TNRC6B: variants seen among roughly 807,000 people sequenced by gnomAD.
The protein encoded by TNRC6B is trinucleotide repeat containing adaptor 6B.
In TNRC6B, 52 loss-of-function variants were observed where a neutral mutation model predicts 203.6. The observed-to-expected ratio is 0.26, with a 90% CI of 0.20 to 0.32. TNRC6B has a LOEUF of 0.32. TNRC6B is among the 10% of genes least tolerant of loss of function. The pLI is 1.00. For synonymous variants in TNRC6B, 838 were observed against 845.7 expected, an observed-to-expected ratio of 0.99 and a Z score of 0.16; for missense variants, 1,923 against 2,286.2, an observed-to-expected ratio of 0.84 and a Z score of 3.24.
intron 1 of TNRC6B, among the ~76,000 whole-genome samples, chr22:40,188,200 CTG>C (rs768303939): frequency 9.9e-5 from 15 of 152,072 alleles, no homozygotes; most frequent in Non-Finnish European, 1.6e-4. Flanking sequence ...CAGAGCAACA[CTG>C]TGTCTCAAAA....
chr22:40,183,668 G>GT (rs2069164423), intron 1 of TNRC6B, among the ~76,000 whole-genome samples: 1 of 151,142 alleles, frequency 6.6e-6, no homozygotes, highest in Admixed American at 6.6e-5. Flanking sequence ...TGTAAATTCT[G>GT]TTTATTTGAC....
At chr22:40,203,217 G>C (rs2069436761) in intron 1 of TNRC6B, among the ~76,000 whole-genome samples, 1 of 152,118 alleles carries the variant, frequency 6.6e-6, no homozygotes, top group Non-Finnish European at 1.5e-5. Flanking sequence ...TCCCAGCCAG[G>C]TGTCAGGACA....
At chr22:40,240,962 A>G (rs1280583160) in intron 1 of TNRC6B, among the ~76,000 whole-genome samples, 2 of 152,166 alleles carry the variant, frequency 1.3e-5, no homozygotes, top group Non-Finnish European at 2.9e-5. Flanking sequence ...AAATCAGGTA[A>G]TAATGTTTTC....
intron 1 of TNRC6B, among the ~76,000 whole-genome samples, chr22:40,074,403 C>T (rs181463547): frequency 1.6e-4 from 25 of 151,740 alleles, no homozygotes; most frequent in African/African-American, 4.1e-4. Flanking sequence ...TCAGCACTTT[C>T]GGGAGGCTGA....
At chr22:40,217,175 TTACTGCATCATTAGCATCA>T (rs1274452370) in intron 1 of TNRC6B, among the ~76,000 whole-genome samples, 4 of 152,200 alleles carry the variant, frequency 2.6e-5, no homozygotes, top group African/African-American at 4.8e-5. Context: ...CTTGTCTTCA[TTACTGCATCATTAGCATCA>T]ACCTTTTTTG....
intron 1 of TNRC6B, among the ~76,000 whole-genome samples, chr22:40,079,463 C>A (rs140452539): frequency 1.3e-5 from 2 of 152,082 alleles, no homozygotes; most frequent in Non-Finnish European, 1.5e-5. Context: ...TCCTGGAAGT[C>A]TCCAGTTTTA....
At chr22:40,170,321 A>AG in intron 4 of TNRC6B, among the ~76,000 whole-genome samples, 2 of 88,688 alleles carry the variant, frequency 2.3e-5, no homozygotes, top group African/African-American at 9.1e-5. Flanking sequence ...TTTTATATAT[A>AG]TTATATATAT....
intron 11 of TNRC6B, among the ~76,000 whole-genome samples, chr22:40,284,254 C>G (rs958859597): frequency 2.0e-5 from 3 of 152,200 alleles, no homozygotes. Context: ...TGTTTAGAAT[C>G]ATTTTTATTT....
intron 3 of TNRC6B, among the ~76,000 whole-genome samples, chr22:40,126,093 CACTAAT>C (rs1427201890): frequency 2.6e-5 from 4 of 152,024 alleles, no homozygotes; most frequent in African/African-American, 9.7e-5. Context: ...ATTTTTAGAA[CACTAAT>C]ACTATGTCTT....
intron 15 of TNRC6B, among the ~76,000 whole-genome samples, chr22:40,302,485 T>G (rs1467952252): frequency 6.6e-6 from 1 of 151,876 alleles, no homozygotes; most frequent in Admixed American, 6.6e-5. Context: ...ATACAAAAAT[T>G]AGCCGGACGT....
intron 21 of TNRC6B, among the ~76,000 whole-genome samples, chr22:40,316,964 G>A (rs1296293643): frequency 2.0e-5 from 3 of 152,164 alleles, no homozygotes; most frequent in Admixed American, 6.5e-5. Context: ...GGTGATTTCT[G>A]TGTAGTAGAC....
chr22:40,207,418 AATATATATATATAT>A (rs55644816), intron 1 of TNRC6B, among the ~76,000 whole-genome samples: 7 of 128,878 alleles, frequency 5.4e-5, no homozygotes, highest in African/African-American at 2.1e-4. Context: ...AAAAAAAAAA[AATATATATATATAT>A]ATATATATAT....
At chr22:40,074,320 A>G (rs1265024398) in intron 1 of TNRC6B, among the ~76,000 whole-genome samples, 1 of 151,932 alleles carries the variant, frequency 6.6e-6, no homozygotes, top group Non-Finnish European at 1.5e-5. Context: ...ATATGGAAAA[A>G]CTATCTTTAG....
At chr22:40,292,149 G>A (rs1408671299) in intron 12 of TNRC6B, among the ~76,000 whole-genome samples, 1 of 152,034 alleles carries the variant, frequency 6.6e-6, no homozygotes, top group Non-Finnish European at 1.5e-5. Flanking sequence ...AGCCGAGATC[G>A]TGCCACTGCG....
Position 40,266,804 on chromosome 22 carries a change from G to C in TNRC6B, c.2574G>C (p.Trp858Cys). 1 of 1,613,740 alleles carries C rather than the reference G, an allele frequency of 6.2e-7. No individual in the cohort carries two copies. Among genetic ancestry groups the C allele is most frequent in the Non-Finnish European group, 8.5e-7 (1 of 1,179,742 alleles). Residue 858 changes from tryptophan to cysteine, a missense_variant, in exon 5 of 23, where the codon TGG (tryptophan) becomes TGC (cysteine). Trp to Cys is a radical substitution (Grantham distance 215, BLOSUM62 -2). Coordinates refer to ENST00000454349, the MANE Select transcript of TNRC6B (RefSeq NM_001162501.2). ...ACGTTCGACCTTCCAATTCCAGCTG[G>C]AGCAGCGGGCCACAGCCTGCAACAC... ...PGNVRPSNSS[W>C]SSGPQPATPK...
At chr22:40,203,182 T>C (rs1320924595) in intron 1 of TNRC6B, among the ~76,000 whole-genome samples, 1 of 152,112 alleles carries the variant, frequency 6.6e-6, no homozygotes, top group East Asian at 1.9e-4. Context: ...TCAAAACATA[T>C]TTTTGGTTCT....
intron 1 of TNRC6B, among the ~76,000 whole-genome samples, chr22:40,185,249 A>T (rs1468061880): frequency 6.6e-6 from 1 of 152,110 alleles, no homozygotes; most frequent in Non-Finnish European, 1.5e-5. Flanking sequence ...TCGGCCTCCC[A>T]AAGTGCTGGG....
In TNRC6B at chr22:40,306,982, T is replaced by G. The variant is rs189693300; in HGVS notation, c.4121-1530T>G. Reference sequence around the variant, plus strand: ...CAGCCTGGGTGACAGAGACTCCATCTCCAAAATAATAATAATTTCATTTGA... The same window carrying G: ...CAGCCTGGGTGACAGAGACTCCATCGCCAAAATAATAATAATTTCATTTGA... On this transcript the variant is annotated intron_variant, in intron 15 of 22. Coordinates refer to ENST00000454349, the MANE Select transcript of TNRC6B (RefSeq NM_001162501.2). 2.1e-3 allele frequency among the ~76,000 whole-genome samples: 326 copies of G among 152,250 alleles called. 2 individuals are homozygous for G. The highest frequency in any genetic ancestry group is 3.7e-3 in the Admixed American group (56 of 15,284).
chr22:40,132,922 G>A (rs1229280039), intron 3 of TNRC6B, among the ~76,000 whole-genome samples: 8 of 122,436 alleles, frequency 6.5e-5, no homozygotes, highest in South Asian at 2.8e-4. Flanking sequence ...CCAGCCTGGG[G>A]GACAGAGCAA....
Sources: gnomAD v4.1 joint callset for allele counts (sites outside exome capture counted in the v4.1 genomes callset) on GRCh38, gnomAD v4.1.1 for gene constraint, MANE v1.5 for transcripts, NCBI Gene and HGNC (gene_info 2026-07-23, HGNC 2026-07-21) for gene names.